The following MECOM variants were observed in gnomAD, a reference collection of about 807,000 sequenced individuals.
MECOM encodes the protein histone-lysine N-methyltransferase MECOM.
Under a neutral mutation model 116.3 loss-of-function variants are expected in MECOM, and 13 were observed. The ratio of observed to expected loss-of-function variants is 0.11; its 90% CI spans 0.07 to 0.18. The LOEUF (loss-of-function observed/expected upper bound fraction) is 0.18. MECOM is among the 10% of genes least tolerant of loss of function. The pLI, the probability that MECOM is intolerant of heterozygous loss-of-function variation, is 1.00. For missense variants in MECOM, 1,299 were observed against 1,509.0 expected (o/e 0.86, Z 2.31); for synonymous variants, 528 against 535.2 (o/e 0.99, Z 0.19).
intron 1 of MECOM, among the ~76,000 whole-genome samples, chr3:169,407,606 C>A (rs1432984663): frequency 1.3e-5 from 2 of 152,206 alleles, no homozygotes; most frequent in African/African-American, 4.8e-5. Context: ...GGGCTTGCTA[C>A]TTATATCTTA....
intron 2 of MECOM, among the ~76,000 whole-genome samples, chr3:169,223,126 CTA>C (rs762878588): frequency 4.0e-5 from 2 of 49,646 alleles, no homozygotes; most frequent in African/African-American, 7.3e-5. Flanking sequence ...TTTCAAAGTC[CTA>C]TATTTTTTTT....
chr3:169,387,299 C>G (rs536009171), intron 1 of MECOM, among the ~76,000 whole-genome samples: 8 of 152,166 alleles, frequency 5.3e-5, no homozygotes, highest in African/African-American at 1.9e-4. Context: ...CGCCTGTGAA[C>G]GGCAGGCTAG....
chr3:169,151,525 C>T (rs115818620), intron 2 of MECOM, among the ~76,000 whole-genome samples: 172 of 152,262 alleles, frequency 1.1e-3, no homozygotes, highest in African/African-American at 4.0e-3. Flanking sequence ...TTTTCAAGAA[C>T]GTACATGTGC....
At chr3:169,365,468 C>T (rs1309418587) in intron 2 of MECOM, among the ~76,000 whole-genome samples, 1 of 152,028 alleles carries the variant, frequency 6.6e-6, no homozygotes. Context: ...TCACATGTGA[C>T]ACCTCCTTTC....
intron 2 of MECOM, among the ~76,000 whole-genome samples, chr3:169,224,126 TG>T (rs1752450119): frequency 6.6e-6 from 1 of 152,128 alleles, no homozygotes; most frequent in Admixed American, 6.5e-5. Flanking sequence ...AGGAGTATGA[TG>T]GGGAGCTTTC....
At position 169,360,135 on chromosome 3, in the gene MECOM, C is replaced by G. The variant is rs1727958833; in HGVS notation, c.375+21052G>C. Among the ~76,000 whole-genome samples, 5 of 151,548 alleles carry G rather than the reference C, an allele frequency of 3.3e-5. No individual in the cohort carries two copies. The South Asian group carries it at 1.0e-3, about 31-fold the overall frequency. ...ACCATAAATCCTTAACCACATAATTCAAGTATACCCCTTCTAATATCCTGT... is the reference window on the plus strand; with the variant it reads ...ACCATAAATCCTTAACCACATAATTGAAGTATACCCCTTCTAATATCCTGT... On this transcript the variant is annotated intron_variant, in intron 2 of 16. Transcript: ENST00000651503.
intron 2 of MECOM, among the ~76,000 whole-genome samples, chr3:169,251,167 A>T (rs1756201486): frequency 1.3e-5 from 2 of 152,188 alleles, no homozygotes; most frequent in African/African-American, 4.8e-5. Flanking sequence ...AGAGTGAAGG[A>T]GTCTACTCTG....
intron 1 of MECOM, among the ~76,000 whole-genome samples, chr3:169,442,195 G>T (rs1445450795): frequency 1.3e-5 from 2 of 152,112 alleles, no homozygotes; most frequent in Admixed American, 6.5e-5. Flanking sequence ...AAAAGTGCTG[G>T]GATTACAGGC....
At chr3:169,276,511 C>G (rs1001266197) in intron 2 of MECOM, among the ~76,000 whole-genome samples, 16 of 149,748 alleles carry the variant, frequency 1.1e-4, no homozygotes, top group African/African-American at 3.7e-4. Context: ...TGAGATCATG[C>G]CACTGCACTC....
chr3:169,188,491 C>A (rs952266600), intron 2 of MECOM, among the ~76,000 whole-genome samples: 3 of 151,864 alleles, frequency 2.0e-5, no homozygotes, highest in Non-Finnish European at 4.4e-5. Context: ...CTGAGTAATC[C>A]GAGGGGTAAT....
chr3:169,134,924 T>C (rs1735888391), intron 3 of MECOM, among the ~76,000 whole-genome samples: 1 of 152,092 alleles, frequency 6.6e-6, no homozygotes, highest in Non-Finnish European at 1.5e-5. Context: ...ATCAGGCCTT[T>C]CAGAAAATAT....
At chr3:169,655,546 T>G (rs1316532883) in intron 1 of MECOM, among the ~76,000 whole-genome samples, 3 of 152,188 alleles carry the variant, frequency 2.0e-5, no homozygotes, top group Non-Finnish European at 4.4e-5. Flanking sequence ...TCAATCATTT[T>G]ATTTACACAT....
chr3:169,208,281 T>C lies in MECOM; in HGVS notation c.376-64449A>G, dbSNP rs556134142. On this transcript the variant is annotated intron_variant, in intron 2 of 16. Coordinates refer to ENST00000651503, the MANE Select transcript of MECOM (RefSeq NM_004991.4). ...ATATATAATGTATATATACACAATG[T>C]TATATTACATTATATATACATTATA... 2.7e-5 allele frequency among the ~76,000 whole-genome samples: 4 copies of C among 148,406 alleles called. No homozygotes were observed. In the South Asian group the frequency reaches 6.3e-4, roughly 23 times the overall value.
intron 1 of MECOM, among the ~76,000 whole-genome samples, chr3:169,396,174 A>G (rs1304815184): frequency 1.3e-5 from 2 of 152,238 alleles, no homozygotes; most frequent in Non-Finnish European, 2.9e-5. Context: ...AATTTACAAT[A>G]TCACAAGAAA....
chr3:169,260,499 A>AT (rs1377158293), intron 2 of MECOM, among the ~76,000 whole-genome samples: 2 of 151,352 alleles, frequency 1.3e-5, no homozygotes, highest in East Asian at 3.9e-4. Flanking sequence ...GTGGTTGCAA[A>AT]TGGTGTCATT....
chr3:169,187,426 T>C (rs35473478), intron 2 of MECOM, among the ~76,000 whole-genome samples: 14,427 of 152,190 alleles, frequency 0.095, 914 homozygotes, highest in Non-Finnish European at 0.14. Flanking sequence ...GCCAACACGT[T>C]ACAATTTTTT....
intron 11 of MECOM, 65 bp downstream of exon 11, chr3:169,101,995 G>A: frequency 1.3e-6 from 2 of 1,497,264 alleles, no homozygotes; most frequent in Non-Finnish European, 1.8e-6. Context: ...AAAACAAACA[G>A]CAAGACCTTT....
chr3:169,441,216 G>T (rs1743610799), intron 1 of MECOM, among the ~76,000 whole-genome samples: 1 of 152,158 alleles, frequency 6.6e-6, no homozygotes, highest in African/African-American at 2.4e-5. Flanking sequence ...CAAGCCACTG[G>T]TGCCTTGGAC....
chr3:169,425,102 C>A (rs191417545), intron 1 of MECOM, among the ~76,000 whole-genome samples: 10 of 149,214 alleles, frequency 6.7e-5, no homozygotes, highest in Admixed American at 1.3e-4. Flanking sequence ...TGCAGAAACC[C>A]CCCCCCACTT....
Sources: gnomAD v4.1 joint callset for allele counts (sites outside exome capture counted in the v4.1 genomes callset) on GRCh38, gnomAD v4.1.1 for gene constraint, MANE v1.5 for transcripts, NCBI Gene and HGNC (gene_info 2026-07-23, HGNC 2026-07-21) for gene names.